The following AK9 variants were observed in gnomAD, a reference collection of about 807,000 sequenced individuals.
The protein encoded by AK9 is adenylate kinase domain containing 1.
A neutral mutation model predicts 239.6 loss-of-function variants in AK9; 191 were observed. That is an observed-to-expected ratio of 0.80 (90% confidence interval 0.71 to 0.90). The LOEUF (loss-of-function observed/expected upper bound fraction) is 0.90. Among genes scored for constraint, AK9 ranks in the 40% least tolerant of loss-of-function variants. AK9 has a pLI of 0.00. For synonymous variants in AK9, 689 were observed against 721.0 expected (o/e 0.96, Z 0.71); for missense variants, 1,995 against 2,214.7 (o/e 0.90, Z 1.99).
intron 17 of AK9, among the ~76,000 whole-genome samples, chr6:109,587,717 C>T (rs748035574): frequency 3.3e-5 from 5 of 152,060 alleles, no homozygotes; most frequent in East Asian, 3.9e-4. Flanking sequence ...AGGTTGATTC[C>T]GCGGCATTGT....
intron 26 of AK9, 140 bp from the exon 27 acceptor site, chr6:109,542,311 G>C: frequency 1.3e-6 from 1 of 757,186 alleles, no homozygotes; most frequent in Non-Finnish European, 2.1e-6. Context: ...GGCAGGGAAG[G>C]GTGTGTGGTA....
At chr6:109,685,411 G>A (rs574712784) in intron 1 of AK9, among the ~76,000 whole-genome samples, 37 of 152,276 alleles carry the variant, frequency 2.4e-4, no homozygotes, top group African/African-American at 8.9e-4. Flanking sequence ...AAAAAATGAT[G>A]AATTCACATC....
chr6:109,626,935 T>C (rs185062978), intron 12 of AK9, among the ~76,000 whole-genome samples: 1 of 152,266 alleles, frequency 6.6e-6, no homozygotes, highest in African/African-American at 2.4e-5. Context: ...ACTAAATTTA[T>C]TTAAAATTTG....
chr6:109,650,599 G>A (rs1372262429), intron 8 of AK9, among the ~76,000 whole-genome samples: 1 of 152,174 alleles, frequency 6.6e-6, no homozygotes, highest in African/African-American at 2.4e-5. Flanking sequence ...TGGAGAGGAT[G>A]TGGAGAAATA....
At chr6:109,584,659 A>G (rs971044791) in intron 19 of AK9, among the ~76,000 whole-genome samples, 1 of 152,220 alleles carries the variant, frequency 6.6e-6, no homozygotes, top group African/African-American at 2.4e-5. Context: ...TAAGCCCTCA[A>G]TGTTAAACCT....
rs567152923 is a variant in AK9, at chr6:109,672,298, T to C, written c.182-131A>G. Reference sequence around the variant, plus strand: ...ATCACTTTATAATTTACAATGCAAATGTATGCATATTACTTCACTTAAGCC... The same window carrying C: ...ATCACTTTATAATTTACAATGCAAACGTATGCATATTACTTCACTTAAGCC... On this transcript the variant is annotated intron_variant, in intron 3 of 40. Transcript: ENST00000424296. 98 of 803,244 alleles carry C rather than the reference T, an allele frequency of 1.2e-4. No individual in the cohort carries two copies. In the African/African-American group the frequency reaches 1.6e-3, roughly 13 times the overall value. The allele number at this position is 803,244 out of a possible 1,614,324, so 49.8% of individuals were successfully genotyped here.
At chr6:109,569,352 T>C (rs1787059280) in intron 21 of AK9, among the ~76,000 whole-genome samples, 1 of 152,160 alleles carries the variant, frequency 6.6e-6, no homozygotes. Context: ...GGCAATACCA[T>C]TCAGGACATA....
At chr6:109,681,970 C>T (rs2128353654) in intron 1 of AK9, among the ~76,000 whole-genome samples, 1 of 152,174 alleles carries the variant, frequency 6.6e-6, no homozygotes, top group South Asian at 2.1e-4. Context: ...GCACTAAATG[C>T]CCACAAGAGA....
intron 28 of AK9, among the ~76,000 whole-genome samples, chr6:109,531,016 C>A (rs933403307): frequency 6.6e-6 from 1 of 151,730 alleles, no homozygotes; most frequent in Admixed American, 6.6e-5. Context: ...GCATTCTAGC[C>A]TAGCGATAGA....
At chr6:109,671,178 T>A (rs1008601337) in intron 5 of AK9, among the ~76,000 whole-genome samples, 1 of 152,208 alleles carries the variant, frequency 6.6e-6, no homozygotes, top group Non-Finnish European at 1.5e-5. Context: ...TTTCCTGTAT[T>A]TTTATTCCTG....
At chr6:109,621,364 C>T (rs12527577) in intron 12 of AK9, among the ~76,000 whole-genome samples, 6,030 of 30,440 alleles carry the variant, frequency 0.2, 694 homozygotes, top group Middle Eastern at 0.32. Context: ...ACTAGAAATA[C>T]CATTTGACCC....
chr6:109,541,914 C>T, intron 27 of AK9, 133 bp downstream of exon 27: 2 of 782,300 alleles, frequency 2.6e-6, no homozygotes, highest in Non-Finnish European at 3.8e-6. Flanking sequence ...ATGTGTATCT[C>T]AAGTGAAAAA....
chr6:109,579,999 T>C (rs1198997085), intron 19 of AK9, among the ~76,000 whole-genome samples: 2 of 152,306 alleles, frequency 1.3e-5, no homozygotes, highest in African/African-American at 4.8e-5. Flanking sequence ...ACTGTATGTA[T>C]AATATAATTT....
At chr6:109,581,428 A>G (rs1788845533) in intron 19 of AK9, among the ~76,000 whole-genome samples, 1 of 152,232 alleles carries the variant, frequency 6.6e-6, no homozygotes, top group Non-Finnish European at 1.5e-5. Flanking sequence ...CAGTGAATAC[A>G]CTAATGATAC....
chr6:109,563,212 T>C (rs929459314), intron 24 of AK9, among the ~76,000 whole-genome samples: 2 of 152,194 alleles, frequency 1.3e-5, no homozygotes, highest in Non-Finnish European at 2.9e-5. Flanking sequence ...CAAATGAGAA[T>C]GGTTGTCCAA....
intron 24 of AK9, among the ~76,000 whole-genome samples, chr6:109,557,515 T>C (rs1318960799): frequency 1.3e-5 from 2 of 152,172 alleles, no homozygotes; most frequent in South Asian, 4.1e-4. Context: ...ACTTTGTCCC[T>C]TGGTGGAGAG....
intron 5 of AK9, among the ~76,000 whole-genome samples, chr6:109,669,636 T>C (rs964550050): frequency 1.3e-5 from 2 of 152,236 alleles, no homozygotes; most frequent in Non-Finnish European, 2.9e-5. Flanking sequence ...TCTGCATCTA[T>C]TGACCTAATC....
rs769852239 is a variant in AK9 at position 109,506,324 on chromosome 6, T to C, written c.4849+3A>G. Reference sequence around the variant, plus strand: ...TATTCTACCTTAAAAAGTGCTATCTTACCTGCTTTTATTCTTTCCAGGTAT... The same window carrying C: ...TATTCTACCTTAAAAAGTGCTATCTCACCTGCTTTTATTCTTTCCAGGTAT... On this transcript the variant is annotated splice_donor_region_variant and intron_variant, in intron 35 of 40. Transcript: ENST00000424296. 1.9e-6 allele frequency: 3 copies of C among 1,612,388 alleles called. No homozygotes were observed. In the South Asian group the frequency reaches 3.3e-5, roughly 18 times the overall value.
intron 1 of AK9, among the ~76,000 whole-genome samples, chr6:109,684,513 A>G (rs1030254803): frequency 6.6e-5 from 10 of 152,198 alleles, no homozygotes; most frequent in Non-Finnish European, 4.4e-5. Flanking sequence ...ACAAAGGGCT[A>G]ATATCCAGAA....
Sources: allele counts gnomAD v4.1 joint callset (sites outside exome capture counted in the v4.1 genomes callset), GRCh38; gene constraint gnomAD v4.1.1; transcripts MANE v1.5; gene names NCBI Gene and HGNC (gene_info 2026-07-23, HGNC 2026-07-21).